FAT3: variants seen among roughly 807,000 people sequenced by gnomAD.
The protein encoded by FAT3 is protocadherin Fat 3.
FAT3 carries 95 observed loss-of-function variants against 310.2 expected under a neutral mutation model. The ratio of observed to expected loss-of-function variants is 0.31; its 90% CI spans 0.26 to 0.36. The LOEUF (loss-of-function observed/expected upper bound fraction) is 0.36, where lower values mean the gene tolerates loss of function less well. Among genes scored for constraint, FAT3 ranks in the 10% least tolerant of loss-of-function variants. The pLI is 1.00. For synonymous variants in FAT3, 2,314 were observed against 2,192.9 expected, an observed-to-expected ratio of 1.06 and a Z score of -1.54; for missense variants, 5,408 against 5,715.6, an observed-to-expected ratio of 0.95 and a Z score of 1.74.
At chr11:92,268,494 G>A (rs564431439) in intron 1 of FAT3, among the ~76,000 whole-genome samples, 1 of 150,868 alleles carries the variant, frequency 6.6e-6, no homozygotes, top group Non-Finnish European at 1.5e-5. Flanking sequence ...ATTTTTAAAA[G>A]ATAAAAATAA....
chr11:92,260,036 G>A (rs1335773438), intron 1 of FAT3, among the ~76,000 whole-genome samples: 1 of 152,144 alleles, frequency 6.6e-6, no homozygotes, highest in Admixed American at 6.6e-5. Context: ...TTTTGAGGCA[G>A]GAAAGTGAAG....
At chr11:92,829,268 T>C (rs970541743) in intron 13 of FAT3, among the ~76,000 whole-genome samples, 3 of 152,220 alleles carry the variant, frequency 2.0e-5, no homozygotes, top group African/African-American at 7.2e-5. Context: ...TCCCAGCACA[T>C]GCACTAATGG....
chr11:92,369,523 G>A (rs548437117), intron 2 of FAT3, among the ~76,000 whole-genome samples: 12 of 152,252 alleles, frequency 7.9e-5, no homozygotes, highest in African/African-American at 2.9e-4. Context: ...ATCGCTGGAG[G>A]AGGTGCCCTG....
At chr11:92,239,781 C>T (rs553791110) in intron 1 of FAT3, among the ~76,000 whole-genome samples, 12 of 152,226 alleles carry the variant, frequency 7.9e-5, no homozygotes, top group East Asian at 5.8e-4. Context: ...ATGTAGAAAA[C>T]GGCATTAACT....
intron 2 of FAT3, among the ~76,000 whole-genome samples, chr11:92,522,224 A>G (rs773932987): frequency 2.6e-5 from 4 of 152,110 alleles, no homozygotes; most frequent in Non-Finnish European, 5.9e-5. Flanking sequence ...TGTCTGTTCT[A>G]TGACTTGCAG....
intron 1 of FAT3, among the ~76,000 whole-genome samples, chr11:92,286,421 C>T (rs1389665544): frequency 1.3e-5 from 2 of 152,096 alleles, no homozygotes; most frequent in Admixed American, 6.6e-5. Flanking sequence ...TTCTTATATG[C>T]ACGGAGGGAA....
At chr11:92,634,988 T>C (rs776965637) in intron 3 of FAT3, among the ~76,000 whole-genome samples, 7 of 152,180 alleles carry the variant, frequency 4.6e-5, no homozygotes, top group African/African-American at 7.2e-5. Context: ...TGTGAAGACA[T>C]ACCAACCATA....
chr11:92,520,459 A>C (rs1466069140), intron 2 of FAT3, among the ~76,000 whole-genome samples: 1 of 152,054 alleles, frequency 6.6e-6, no homozygotes, highest in Non-Finnish European at 1.5e-5. Flanking sequence ...TTTGTTTTAG[A>C]CATGGACAGG....
intron 3 of FAT3, among the ~76,000 whole-genome samples, chr11:92,538,768 C>T (rs535338803): frequency 5.3e-5 from 8 of 152,198 alleles, no homozygotes; most frequent in African/African-American, 1.9e-4. Context: ...TACTGCCACA[C>T]AGCTTTAAAA....
chr11:92,677,749 G>A (rs548406769), intron 3 of FAT3, among the ~76,000 whole-genome samples: 4 of 152,106 alleles, frequency 2.6e-5, no homozygotes, highest in African/African-American at 9.7e-5. Flanking sequence ...ACTGCTGATC[G>A]TCCAGGTTAT....
intron 24 of FAT3, among the ~76,000 whole-genome samples, chr11:92,886,284 G>C (rs1310210932): frequency 6.6e-6 from 1 of 152,032 alleles, no homozygotes; most frequent in East Asian, 1.9e-4. Context: ...GATATAGGCT[G>C]TTTTTATTGC....
chr11:92,350,069 ATTTAGACAGTTTCCACAG>A (rs1948523912), intron 1 of FAT3, among the ~76,000 whole-genome samples: 1 of 151,996 alleles, frequency 6.6e-6, no homozygotes, highest in Non-Finnish European at 1.5e-5. Context: ...TGACTATTAA[ATTTAGACAGTTTCCACAG>A]TTTCATGACT....
chr11:92,378,903 G>A (rs1337495532), intron 2 of FAT3, among the ~76,000 whole-genome samples: 1 of 152,100 alleles, frequency 6.6e-6, no homozygotes, highest in Non-Finnish European at 1.5e-5. Context: ...TTTTATAAGG[G>A]CACTAATCCC....
intron 1 of FAT3, among the ~76,000 whole-genome samples, chr11:92,235,213 C>A (rs1864368618): frequency 2.0e-5 from 3 of 152,174 alleles, no homozygotes; most frequent in African/African-American, 7.2e-5. Context: ...TCTCTCAGGG[C>A]CTCTTGTCTT....
At chr11:92,716,458 A>C (rs1382280901) in intron 4 of FAT3, among the ~76,000 whole-genome samples, 1 of 148,492 alleles carries the variant, frequency 6.7e-6, no homozygotes, top group Non-Finnish European at 1.5e-5. Flanking sequence ...CCAGTGCAGA[A>C]AAAAAAAAGG....
intron 13 of FAT3, among the ~76,000 whole-genome samples, chr11:92,826,361 T>C (rs911948770): frequency 3.3e-5 from 5 of 152,210 alleles, no homozygotes; most frequent in African/African-American, 7.2e-5. Context: ...ATACTTGTGG[T>C]ATTTCAAGCA....
intron 6 of FAT3, among the ~76,000 whole-genome samples, chr11:92,771,636 C>T (rs1232673219): frequency 6.6e-6 from 1 of 152,078 alleles, no homozygotes; most frequent in Non-Finnish European, 1.5e-5. Flanking sequence ...ATGCTCTTGG[C>T]TCTGCTCTTG....
At chr11:92,648,538 G>A (rs1488011915) in intron 3 of FAT3, among the ~76,000 whole-genome samples, 2 of 152,130 alleles carry the variant, frequency 1.3e-5, no homozygotes, top group South Asian at 2.1e-4. Flanking sequence ...GCCTCCCTCA[G>A]AGCAGAACAA....
At chr11:92,602,594 A>G (rs1461013727) in intron 3 of FAT3, among the ~76,000 whole-genome samples, 2 of 152,208 alleles carry the variant, frequency 1.3e-5, no homozygotes, top group East Asian at 1.9e-4. Flanking sequence ...GGCTGATGCC[A>G]TGTTCCTGAA....
Sources: gnomAD v4.1 joint callset for allele counts (sites outside exome capture counted in the v4.1 genomes callset) on GRCh38, gnomAD v4.1.1 for gene constraint, MANE v1.5 for transcripts, NCBI Gene and HGNC (gene_info 2026-07-23, HGNC 2026-07-21) for gene names.